Variants in DLGAP1 observed in about 807,000 individuals in gnomAD.
DLGAP1 encodes DLG associated protein 1.
DLGAP1 carries 11 observed loss-of-function variants against 90.8 expected under a neutral mutation model. The ratio of observed to expected loss-of-function variants is 0.12; its 90% CI spans 0.08 to 0.20. The LOEUF is 0.20. DLGAP1 is among the 10% of genes least tolerant of loss of function. DLGAP1 has a pLI of 1.00. For missense variants in DLGAP1, 1,050 were observed against 1,333.8 expected (o/e 0.79, Z 3.31); for synonymous variants, 558 against 540.7 (o/e 1.03, Z -0.44).
chr18:3,803,779 T>C (rs1426822144), intron 5 of DLGAP1, among the ~76,000 whole-genome samples: 1 of 152,012 alleles, frequency 6.6e-6, no homozygotes. Flanking sequence ...CAGTAAAGTG[T>C]TGGTTAAAAA....
chr18:4,260,959 A>T (rs889999085), intron 1 of DLGAP1, among the ~76,000 whole-genome samples: 1 of 152,222 alleles, frequency 6.6e-6, no homozygotes, highest in Non-Finnish European at 1.5e-5. Context: ...AATCAACAGC[A>T]TAACACAGCT....
intron 2 of DLGAP1, among the ~76,000 whole-genome samples, chr18:4,016,944 C>T (rs139157267): frequency 3.7e-4 from 56 of 152,300 alleles, no homozygotes; most frequent in African/African-American, 1.3e-3. Context: ...ATGTAAAGCA[C>T]GTGGAGTATA....
intron 1 of DLGAP1, among the ~76,000 whole-genome samples, chr18:4,243,244 C>A (rs898275470): frequency 1.7e-5 from 1 of 59,094 alleles, no homozygotes; most frequent in Non-Finnish European, 5.7e-5. Flanking sequence ...TAGTTCTTTT[C>A]GGTTAAAAAG....
intron 1 of DLGAP1, among the ~76,000 whole-genome samples, chr18:4,304,916 AG>A (rs2080212009): frequency 6.9e-6 from 1 of 145,746 alleles, no homozygotes; most frequent in Admixed American, 7.1e-5. Flanking sequence ...GGGTGACAAG[AG>A]CAAAACTGTG....
At chr18:3,783,838 A>T (rs961302442) in intron 5 of DLGAP1, among the ~76,000 whole-genome samples, 1 of 152,240 alleles carries the variant, frequency 6.6e-6, no homozygotes, top group Non-Finnish European at 1.5e-5. Flanking sequence ...ACATGTGAAT[A>T]TAAGGCTTTT....
intron 3 of DLGAP1, among the ~76,000 whole-genome samples, chr18:3,952,230 A>C (rs1041588231): frequency 1.3e-5 from 2 of 152,182 alleles, no homozygotes; most frequent in Admixed American, 1.3e-4. Flanking sequence ...TCCCCTCCTG[A>C]GGGATGATTT....
rs201428672 is a variant in DLGAP1, at chr18:3,534,697, T to TC, written c.2058-83_2058-82insG. 195 of 1,048,968 alleles carry TC rather than the reference T, an allele frequency of 1.9e-4. No homozygotes were observed. In the African/African-American group the frequency reaches 2.4e-3, roughly 13 times the overall value. The allele number at this position is 1,048,968 out of a possible 1,614,324, so 65.0% of individuals were successfully genotyped here. A position where few individuals can be genotyped will look rare whatever the true frequency, so the allele number is the denominator to read the frequency against. On this transcript the variant is annotated intron_variant, in intron 9 of 12. Transcript: ENST00000315677. The stretch of plus-strand genomic sequence containing the variant: ...TCCTTCCTTCCTTCCTTTCTTTCTT[T>TC]TTTTTTTTTTTTTGACAGAGTCTCA...
intron 3 of DLGAP1, among the ~76,000 whole-genome samples, chr18:3,998,181 C>G (rs1007662667): frequency 1.3e-5 from 2 of 152,108 alleles, no homozygotes; most frequent in Non-Finnish European, 2.9e-5. Flanking sequence ...AGATGGAGTA[C>G]TTTTATCAAG....
chr18:4,064,712 TA>T (rs2075347683), intron 2 of DLGAP1, among the ~76,000 whole-genome samples: 1 of 151,024 alleles, frequency 6.6e-6, no homozygotes, highest in African/African-American at 2.4e-5. Context: ...AGCCTACCAA[TA>T]AAAAAAAGCC....
intron 3 of DLGAP1, among the ~76,000 whole-genome samples, chr18:3,898,032 G>C (rs1001271010): frequency 1.3e-5 from 2 of 151,886 alleles, no homozygotes; most frequent in South Asian, 4.2e-4. Flanking sequence ...CTGACCTCGT[G>C]ATCCGCCCGC....
At chr18:3,963,423 G>A (rs1280705871) in intron 3 of DLGAP1, among the ~76,000 whole-genome samples, 2 of 152,178 alleles carry the variant, frequency 1.3e-5, no homozygotes, top group Non-Finnish European at 2.9e-5. Context: ...AGGATGAGGT[G>A]CCCAGGCTAC....
intron 1 of DLGAP1, among the ~76,000 whole-genome samples, chr18:4,417,789 G>A (rs576093450): frequency 1.7e-3 from 254 of 152,142 alleles, no homozygotes; most frequent in Admixed American, 3.9e-3. Context: ...CAGATGGGAA[G>A]GGGCAGGAGA....
At chr18:3,900,913 C>G (rs375754320) in intron 3 of DLGAP1, among the ~76,000 whole-genome samples, 12 of 152,300 alleles carry the variant, frequency 7.9e-5, no homozygotes, top group African/African-American at 2.6e-4. Flanking sequence ...CCATCTCCCC[C>G]TCGACCTCGT....
intron 3 of DLGAP1, among the ~76,000 whole-genome samples, chr18:3,906,447 C>T (rs867361545): frequency 6.6e-6 from 1 of 152,160 alleles, no homozygotes; most frequent in Non-Finnish European, 1.5e-5. Context: ...ACTCTTTATT[C>T]CCCCTGAAAA....
chr18:3,790,279 T>TC (rs1002786825), intron 5 of DLGAP1, among the ~76,000 whole-genome samples: 1 of 151,866 alleles, frequency 6.6e-6, no homozygotes, highest in African/African-American at 2.4e-5. Context: ...TTTTCTTTTT[T>TC]TTTTTTGAGA....
chr18:3,845,154 TGATA>T, intron 4 of DLGAP1: 1 of 1,542,834 alleles, frequency 6.5e-7, no homozygotes. Flanking sequence ...AAAAGAAAGA[TGATA>T]GATTAGCACA....
At chr18:3,986,048 T>G (rs193242058) in intron 3 of DLGAP1, 1 of 152,304 alleles carries the variant, frequency 6.6e-6, no homozygotes, top group East Asian at 1.9e-4. Flanking sequence ...ACACAGTCCT[T>G]CATTTTCTAT....
intron 7 of DLGAP1, among the ~76,000 whole-genome samples, chr18:3,672,726 CTTG>C (rs2060144425): frequency 6.6e-6 from 1 of 151,494 alleles, no homozygotes; most frequent in Non-Finnish European, 1.5e-5. Flanking sequence ...TCTCCCTAAT[CTTG>C]TTGTATCAGT....
At chr18:3,669,301 A>T (rs2045643) in intron 7 of DLGAP1, among the ~76,000 whole-genome samples, 21,230 of 151,474 alleles carry the variant, frequency 0.14, 1,773 homozygotes, top group Admixed American at 0.18. Context: ...AGTGCTGGGT[A>T]GAGGAGGGCG....
Sources: allele counts gnomAD v4.1 joint callset (sites outside exome capture counted in the v4.1 genomes callset), GRCh38; gene constraint gnomAD v4.1.1; transcripts MANE v1.5; gene names NCBI Gene and HGNC (gene_info 2026-07-23, HGNC 2026-07-21).